The following DLGAP2 variants were observed in gnomAD, a reference collection of about 807,000 sequenced individuals.
The protein encoded by DLGAP2 is DLG associated protein 2, also known as disks large-associated protein 2.
A neutral mutation model predicts 100.3 loss-of-function variants in DLGAP2; 26 were observed. The ratio of observed to expected loss-of-function variants is 0.26; its 90% confidence interval spans 0.19 to 0.36. The LOEUF (loss-of-function observed/expected upper bound fraction) is 0.36, where lower values mean the gene tolerates loss of function less well. Among genes scored for constraint, DLGAP2 ranks in the 10% least tolerant of loss-of-function variants. The probability of loss-of-function intolerance (pLI) is 1.00; values close to 1 mark genes in which losing one functional copy is unlikely to be tolerated. For missense variants in DLGAP2, 1,858 were observed against 1,453.2 expected (o/e 1.28, Z -4.53); for synonymous variants, 886 against 630.1 (o/e 1.41, Z -6.08).
intron 2 of DLGAP2, among the ~76,000 whole-genome samples, chr8:1,097,946 A>G (rs1409905729): frequency 1.3e-5 from 2 of 151,680 alleles, no homozygotes; most frequent in East Asian, 1.9e-4. Flanking sequence ...CTTTTGCACC[A>G]TGTTGATTCT....
intron 1 of DLGAP2, among the ~76,000 whole-genome samples, chr8:772,005 C>T (rs1043437321): frequency 9.2e-5 from 14 of 151,986 alleles, no homozygotes; most frequent in African/African-American, 1.7e-4. Context: ...TGGACTCAAG[C>T]GATCCTCTTG....
At chr8:1,511,962 C>G (rs1050696723) in intron 4 of DLGAP2, among the ~76,000 whole-genome samples, 1 of 152,270 alleles carries the variant, frequency 6.6e-6, no homozygotes, top group Non-Finnish European at 1.5e-5. Flanking sequence ...CTTTCTACCA[C>G]CACTCGGGTT....
chr8:995,802 A>T (rs1800767925), intron 2 of DLGAP2, among the ~76,000 whole-genome samples: 1 of 151,394 alleles, frequency 6.6e-6, no homozygotes, highest in Admixed American at 6.6e-5. Context: ...CTGTTTGGTG[A>T]TGCTGGGGTG....
chr8:1,594,281 G>T (rs954254503), intron 6 of DLGAP2, among the ~76,000 whole-genome samples: 1 of 152,146 alleles, frequency 6.6e-6, no homozygotes, highest in African/African-American at 2.4e-5. Context: ...GTGAAATGAA[G>T]TTATATGATT....
At chr8:755,194 G>A (rs960331259) in intron 1 of DLGAP2, among the ~76,000 whole-genome samples, 1 of 152,124 alleles carries the variant, frequency 6.6e-6, no homozygotes, top group Non-Finnish European at 1.5e-5. Context: ...TAAATATTAA[G>A]TATCCTGTAA....
At chr8:1,344,553 C>A (rs1044107284) in intron 3 of DLGAP2, among the ~76,000 whole-genome samples, 4 of 152,162 alleles carry the variant, frequency 2.6e-5, no homozygotes, top group African/African-American at 9.7e-5. Flanking sequence ...ATAAGGATGT[C>A]ACAGAGATTC....
intron 2 of DLGAP2, among the ~76,000 whole-genome samples, chr8:927,863 A>G (rs1379974026): frequency 1.3e-5 from 2 of 152,228 alleles, no homozygotes; most frequent in South Asian, 2.1e-4. Flanking sequence ...ATTGCAAAAA[A>G]CAAACAAAAA....
chr8:1,322,848 C>T (rs1434497277), intron 3 of DLGAP2, among the ~76,000 whole-genome samples: 2 of 152,186 alleles, frequency 1.3e-5, no homozygotes, highest in Non-Finnish European at 2.9e-5. Context: ...TTGTAGGTTT[C>T]TATGATGTAT....
chr8:880,857 C>T (rs976638957), intron 1 of DLGAP2, among the ~76,000 whole-genome samples: 7 of 152,368 alleles, frequency 4.6e-5, no homozygotes, highest in Admixed American at 2.0e-4. Context: ...GTTCCTCCCT[C>T]CTAAATTAGG....
chr8:987,619 C>G (rs1192618043), intron 2 of DLGAP2, among the ~76,000 whole-genome samples: 2 of 152,174 alleles, frequency 1.3e-5, no homozygotes, highest in Non-Finnish European at 2.9e-5. Context: ...TTGTCAAGAT[C>G]TTTAGCTTCC....
chr8:1,098,033 C>T (rs918289705), intron 2 of DLGAP2, among the ~76,000 whole-genome samples: 6 of 152,278 alleles, frequency 3.9e-5, no homozygotes, highest in Non-Finnish European at 5.9e-5. Context: ...TCTTCTCTTA[C>T]TACGTTGACT....
chr8:1,072,877 A>G (rs892964477), intron 2 of DLGAP2, among the ~76,000 whole-genome samples: 1 of 152,036 alleles, frequency 6.6e-6, no homozygotes, highest in Non-Finnish European at 1.5e-5. Flanking sequence ...GTGCCCGGGG[A>G]CCCTGTGCCT....
intron 1 of DLGAP2, among the ~76,000 whole-genome samples, chr8:773,511 C>T (rs1407076175): frequency 6.9e-6 from 1 of 145,106 alleles, no homozygotes; most frequent in Non-Finnish European, 1.5e-5. Context: ...CCCCACTCCA[C>T]AACAGTCCCC....
chr8:1,018,510 G>T lies in DLGAP2; in HGVS notation c.73+110544G>T, dbSNP rs191810488. 9.1e-4 allele frequency among the ~76,000 whole-genome samples: 138 copies of T among 152,348 alleles called. 1 individual carries two copies. The highest frequency in any genetic ancestry group is 3.1e-3 in the African/African-American group (129 of 41,592). On this transcript the variant is annotated intron_variant, in intron 2 of 14. Coordinates refer to ENST00000637795, the MANE Select transcript of DLGAP2 (RefSeq NM_001346810.2). The stretch of plus-strand genomic sequence containing the variant: ...CCTGCCCTGCTGAAGTTGACCAGCA[G>T]TCCCAGTGGCTGAAGGCCTGGAGGC...
intron 3 of DLGAP2, among the ~76,000 whole-genome samples, chr8:1,337,807 C>G (rs2117074830): frequency 6.6e-6 from 1 of 152,276 alleles, no homozygotes; most frequent in Non-Finnish European, 1.5e-5. Context: ...TGAGAAGACT[C>G]TAGTGTCTGG....
chr8:1,693,244 T>C (rs925791941), intron 13 of DLGAP2, among the ~76,000 whole-genome samples: 1 of 148,650 alleles, frequency 6.7e-6, no homozygotes, highest in Non-Finnish European at 1.5e-5. Context: ...ATATAAAACA[T>C]GTAAGTTTAC....
At position 1,687,302 on chromosome 8, in the gene DLGAP2, T is replaced by TAATC. The variant is rs1421619209; in HGVS notation, c.2705-4230_2705-4227dup. On this transcript the variant is annotated intron_variant, in intron 12 of 14. Coordinates refer to ENST00000637795, the MANE Select transcript of DLGAP2 (RefSeq NM_001346810.2). ...GAAAAAATAAAAGAGCCAAGTGTGT[T>TAATC]AATCAAATTTCTTTGTACATGGAAG... 5.3e-5 allele frequency among the ~76,000 whole-genome samples: 8 copies of TAATC among 152,244 alleles called. 1 individual carries two copies. Among genetic ancestry groups the TAATC allele is most frequent in the African/African-American group, 1.7e-4 (7 of 41,466 alleles).
At chr8:1,634,919 C>G (rs985326778) in intron 8 of DLGAP2, among the ~76,000 whole-genome samples, 4 of 151,612 alleles carry the variant, frequency 2.6e-5, no homozygotes, top group African/African-American at 9.7e-5. Flanking sequence ...AAATAAATTA[C>G]AAAAAAAAGA....
At chr8:1,580,939 C>T (rs141281400) in intron 6 of DLGAP2, among the ~76,000 whole-genome samples, 2 of 148,440 alleles carry the variant, frequency 1.3e-5, no homozygotes, top group African/African-American at 5.0e-5. Context: ...GTGAAGTATA[C>T]AGACAAAACC....
Sources: gnomAD v4.1 joint callset for allele counts (sites outside exome capture counted in the v4.1 genomes callset) on GRCh38, gnomAD v4.1.1 for gene constraint, MANE v1.5 for transcripts, NCBI Gene and HGNC (gene_info 2026-07-23, HGNC 2026-07-21) for gene names.